Variants in BARD1 observed in about 807,000 individuals in gnomAD.
The protein encoded by BARD1 is BRCA1-associated RING domain protein 1.
A neutral mutation model predicts 77.0 loss-of-function variants in BARD1; 73 were observed. That is an observed-to-expected ratio of 0.95 (90% CI 0.79 to 1.15). The LOEUF (loss-of-function observed/expected upper bound fraction) is 1.15. Ranked by LOEUF, BARD1 falls within the 50% of genes most tolerant of loss-of-function variation. The probability of loss-of-function intolerance (pLI) is 0.00; values close to 1 mark genes in which losing one functional copy is unlikely to be tolerated. For missense variants in BARD1, 993 were observed against 938.8 expected (o/e 1.06, Z -0.75); for synonymous variants, 384 against 338.0 (o/e 1.14, Z -1.49).
chr2:214,776,100 C>T (rs537053785), intron 4 of BARD1, among the ~76,000 whole-genome samples: 1 of 152,240 alleles, frequency 6.6e-6, no homozygotes, highest in East Asian at 1.9e-4. Flanking sequence ...TCTATTATGT[C>T]TACATCACTA....
At chr2:214,753,929 T>C (rs1276363518) in intron 6 of BARD1, among the ~76,000 whole-genome samples, 1 of 152,152 alleles carries the variant, frequency 6.6e-6, no homozygotes, top group Non-Finnish European at 1.5e-5. Flanking sequence ...CTGGCAACAG[T>C]CTTTCTCCAG....
Position 214,767,900 on chromosome 2 carries a change from TTTCTG to T in BARD1, c.1396-251_1396-247del, listed in dbSNP as rs527513943. 1.9e-4 allele frequency among the ~76,000 whole-genome samples: 29 copies of T among 152,288 alleles called. 1 individual carries two copies. The South Asian group carries it at 6.0e-3, about 32-fold the overall frequency. Reference sequence around the variant, plus strand: ...TCATTTGAGCCTTGGGTCAAGCACTTTTCTGTTTTTTAGAAGAAAATGTAGTTTTA... The same window carrying T: ...TCATTTGAGCCTTGGGTCAAGCACTTTTTTTTAGAAGAAAATGTAGTTTTA... On this transcript the variant is annotated intron_variant, in intron 5 of 10. Transcript: ENST00000260947.
At chr2:214,759,706 T>C (rs1423153674) in intron 6 of BARD1, among the ~76,000 whole-genome samples, 3 of 152,074 alleles carry the variant, frequency 2.0e-5, no homozygotes, top group Non-Finnish European at 4.4e-5. Context: ...TCCATAATTA[T>C]AAAGATTTAG....
At chr2:214,771,959 A>G (rs1694517975) in intron 4 of BARD1, among the ~76,000 whole-genome samples, 2 of 146,164 alleles carry the variant, frequency 1.4e-5, no homozygotes. Context: ...ATTTTCCCAG[A>G]TTTCTTAACA....
At chr2:214,799,384 T>A (rs1695911242) in intron 1 of BARD1, among the ~76,000 whole-genome samples, 1 of 152,210 alleles carries the variant, frequency 6.6e-6, no homozygotes, top group Non-Finnish European at 1.5e-5. Context: ...AAGTAATGTA[T>A]TCAATATTCT....
chr2:214,782,765 A>C (rs1480716760), intron 3 of BARD1, among the ~76,000 whole-genome samples: 1 of 152,142 alleles, frequency 6.6e-6, no homozygotes, highest in Non-Finnish European at 1.5e-5. Flanking sequence ...TGTGGATCTC[A>C]CATCCAATGC....
intron 7 of BARD1, among the ~76,000 whole-genome samples, chr2:214,747,024 C>T (rs1437642287): frequency 6.6e-6 from 1 of 152,084 alleles, no homozygotes; most frequent in African/African-American, 2.4e-5. Flanking sequence ...AAACAAACAA[C>T]CCCATCAACA....
Position 214,726,482 on chromosome 2 carries a change from C to T in BARD1, c.*2194G>A. 1 of 216,642 alleles carries T rather than the reference C, an allele frequency of 4.6e-6. No individual in the cohort carries two copies. Among genetic ancestry groups the T allele is most frequent in the South Asian group, 1.9e-4 (1 of 5,374 alleles). 13.4% of individuals were successfully genotyped at this position (216,642 alleles called of 1,614,324 possible). ...ATCTAAGGTAATAAAGTATCTAGTA[C>T]ACTTTAGAAATATTTTTATTCAAAA... On this transcript the variant is annotated 3_prime_UTR_variant, in exon 11 of 11. Transcript: ENST00000260947.
intron 7 of BARD1, among the ~76,000 whole-genome samples, chr2:214,750,451 G>A (rs1354532314): frequency 6.6e-6 from 1 of 152,134 alleles, no homozygotes; most frequent in Non-Finnish European, 1.5e-5. Context: ...CACAGTAAAT[G>A]CTATAGTTTC....
chr2:214,789,850 C>T (rs144853898), intron 3 of BARD1, among the ~76,000 whole-genome samples: 57 of 152,032 alleles, frequency 3.7e-4, no homozygotes, highest in African/African-American at 1.3e-3. Flanking sequence ...ACGTTGAGGG[C>T]GCAGTGCTTA....
chr2:214,729,122 T>A (rs147982569), intron 10 of BARD1, 114 bp from the exon 11 acceptor site: 3 of 1,276,284 alleles, frequency 2.4e-6, no homozygotes, highest in African/African-American at 3.0e-5. Context: ...CCTGAAACAT[T>A]TGGAGGAGAA....
intron 6 of BARD1, among the ~76,000 whole-genome samples, chr2:214,755,296 G>A (rs1029046283): frequency 6.6e-6 from 1 of 152,126 alleles, no homozygotes; most frequent in African/African-American, 2.4e-5. Context: ...ACTCAAAACA[G>A]ACATCAATAA....
At chr2:214,784,737 G>A (rs1000631384) in intron 3 of BARD1, among the ~76,000 whole-genome samples, 2 of 152,114 alleles carry the variant, frequency 1.3e-5, no homozygotes, top group African/African-American at 4.8e-5. Flanking sequence ...GGACATGGAT[G>A]AAGCTGGAAA....
chr2:214,792,147 A>AT, intron 3 of BARD1, 150 bp downstream of exon 3: 3 of 769,402 alleles, frequency 3.9e-6, no homozygotes, highest in Non-Finnish European at 5.8e-6. Context: ...CTCAATGGCT[A>AT]TTTAAAAAAA....
At chr2:214,784,862 A>G (rs1391088307) in intron 3 of BARD1, among the ~76,000 whole-genome samples, 1 of 152,028 alleles carries the variant, frequency 6.6e-6, no homozygotes, top group Admixed American at 6.6e-5. Context: ...AACATCACAC[A>G]CCGGGGCCTG....
intron 6 of BARD1, among the ~76,000 whole-genome samples, chr2:214,753,041 CAT>C (rs745589279): frequency 2.0e-4 from 30 of 152,116 alleles, no homozygotes; most frequent in East Asian, 1.3e-3. Context: ...TTAATTTAAA[CAT>C]GTGTGCATAC....
At chr2:214,791,650 A>T (rs1372037266) in intron 3 of BARD1, among the ~76,000 whole-genome samples, 1 of 152,208 alleles carries the variant, frequency 6.6e-6, no homozygotes, top group Admixed American at 6.5e-5. Flanking sequence ...ATAGAAAAGA[A>T]AATGAATATT....
chr2:214,741,753 TA>T (rs1692842440), intron 9 of BARD1, among the ~76,000 whole-genome samples: 1 of 152,210 alleles, frequency 6.6e-6, no homozygotes, highest in Non-Finnish European at 1.5e-5. Context: ...GGATGGTCTG[TA>T]AAATTATGGC....
chr2:214,728,258 T>C lies in BARD1; in HGVS notation c.*418A>G, dbSNP rs894197509. 3 of 236,022 alleles carry C rather than the reference T, an allele frequency of 1.3e-5. No homozygotes were observed. The highest frequency in any genetic ancestry group is 2.5e-5 in the Non-Finnish European group (3 of 122,068). The allele number at this position is 236,022 out of a possible 1,614,324, so 14.6% of individuals were successfully genotyped here. A position where few individuals can be genotyped will look rare whatever the true frequency, so the allele number is the denominator to read the frequency against. ...CTTTTTTCAATAAAGCCAAAATAAATTGTTTGATAATATTCTGTTTACTAA... is the reference window on the plus strand; with the variant it reads ...CTTTTTTCAATAAAGCCAAAATAAACTGTTTGATAATATTCTGTTTACTAA... On this transcript the variant is annotated 3_prime_UTR_variant, in exon 11 of 11. Coordinates refer to ENST00000260947, the MANE Select transcript of BARD1 (RefSeq NM_000465.4).
Sources: allele counts gnomAD v4.1 joint callset (sites outside exome capture counted in the v4.1 genomes callset), GRCh38; gene constraint gnomAD v4.1.1; transcripts MANE v1.5; gene names NCBI Gene and HGNC (gene_info 2026-07-23, HGNC 2026-07-21).